CREBBP: variants seen among roughly 807,000 people sequenced by gnomAD.
CREBBP encodes the protein CREB binding lysine acetyltransferase, also known as CREB-binding protein.
In CREBBP, 19 loss-of-function variants were observed where a neutral mutation model predicts 265.0. That is an observed-to-expected ratio of 0.07 (90% CI 0.05 to 0.11). CREBBP has a LOEUF of 0.11. CREBBP is among the 10% of genes least tolerant of loss of function. The probability of loss-of-function intolerance (pLI) is 1.00; values close to 1 mark genes in which losing one functional copy is unlikely to be tolerated. For missense variants in CREBBP, 2,525 were observed against 3,219.0 expected (o/e 0.78, Z 5.22); for synonymous variants, 1,457 against 1,223.7 (o/e 1.19, Z -3.98).
chr16:3,745,147 G>C (rs2151354850), intron 22 of CREBBP, 130 bp downstream of exon 22: 1 of 1,001,466 alleles, frequency 1.0e-6, no homozygotes, highest in East Asian at 2.6e-5. Flanking sequence ...CTTAAATTTA[G>C]AACCAACTGC....
chr16:3,749,607 A>C lies in CREBBP; in HGVS notation c.3836+20T>G. The C allele has an allele frequency of 3.2e-6, 5 of 1,570,588 alleles. No individual in the cohort carries two copies. Among genetic ancestry groups the C allele is most frequent in the Non-Finnish European group, 4.4e-6 (5 of 1,141,836 alleles). ...TTCAAACCAAAACTGAAAGTAAAAA[A>C]GAAATAGCTATATACTTACGGTTCG... is the stretch of plus-strand genomic sequence containing the variant. On this transcript the variant is annotated intron_variant, in intron 21 of 30. Transcript: ENST00000262367.
chr16:3,818,551 T>C (rs2054083566), intron 2 of CREBBP, among the ~76,000 whole-genome samples: 1 of 152,120 alleles, frequency 6.6e-6, no homozygotes, highest in Non-Finnish European at 1.5e-5. Flanking sequence ...CTCAAACTCC[T>C]AACCTCAAGT....
intron 9 of CREBBP, 136 bp from the exon 10 acceptor site, chr16:3,778,318 C>G: frequency 5.7e-6 from 4 of 706,022 alleles, no homozygotes; most frequent in South Asian, 5.1e-5. Context: ...CCTGATACAC[C>G]AGAAGCCCAC....
At chr16:3,801,679 CAGA>C (rs1181314314) in intron 3 of CREBBP, among the ~76,000 whole-genome samples, 3 of 151,940 alleles carry the variant, frequency 2.0e-5, no homozygotes, top group East Asian at 1.9e-4. Context: ...TAAAAAAAAA[CAGA>C]AGAACGGGGT....
At chr16:3,875,335 T>C (rs2055377918) in intron 1 of CREBBP, among the ~76,000 whole-genome samples, 1 of 152,192 alleles carries the variant, frequency 6.6e-6, no homozygotes, top group African/African-American at 2.4e-5. Flanking sequence ...AGCACGGTCA[T>C]GAAATGTCCT....
chr16:3,757,720 G>A lies in CREBBP; in HGVS notation c.3609+89C>T. 9.0e-6 allele frequency: 14 copies of A among 1,558,760 alleles called. No homozygotes were observed. In the Admixed American group the frequency reaches 1.9e-4, roughly 21 times the overall value. On this transcript the variant is annotated intron_variant, in intron 18 of 30. Transcript: ENST00000262367. ...AGCAGATTGCACATATGCACTCCCA[G>A]TATACAGGCGTGGTCTCATATTAGT...
At chr16:3,733,977 T>C (rs2051985895) in intron 28 of CREBBP, among the ~76,000 whole-genome samples, 1 of 152,178 alleles carries the variant, frequency 6.6e-6, no homozygotes, top group South Asian at 2.1e-4. Context: ...AAAATAAATA[T>C]GTTCATGAAA....
At chr16:3,796,868 C>T (rs1272236538) in intron 3 of CREBBP, among the ~76,000 whole-genome samples, 3 of 152,186 alleles carry the variant, frequency 2.0e-5, no homozygotes, top group Admixed American at 6.5e-5. Flanking sequence ...AAAAGCCATT[C>T]TGAGGGTGAA....
At chr16:3,826,879 G>C (rs1200410674) in intron 2 of CREBBP, among the ~76,000 whole-genome samples, 1 of 152,296 alleles carries the variant, frequency 6.6e-6, no homozygotes, top group African/African-American at 2.4e-5. Flanking sequence ...CATTACTTAT[G>C]ACAAACACAA....
At chr16:3,765,840 C>T (rs766104921) in intron 16 of CREBBP, among the ~76,000 whole-genome samples, 7 of 151,966 alleles carry the variant, frequency 4.6e-5, no homozygotes, top group Non-Finnish European at 8.8e-5. Context: ...GATTAGGTTT[C>T]GCCATGTTGC....
intron 2 of CREBBP, among the ~76,000 whole-genome samples, chr16:3,843,337 CTAAA>C (rs1366517167): frequency 2.0e-5 from 3 of 151,172 alleles, no homozygotes; most frequent in Non-Finnish European, 2.9e-5. Context: ...TTAGACTTTA[CTAAA>C]TAAAAACGAT....
chr16:3,796,909 C>T (rs2053619133), intron 3 of CREBBP, among the ~76,000 whole-genome samples: 1 of 152,116 alleles, frequency 6.6e-6, no homozygotes, highest in Non-Finnish European at 1.5e-5. Context: ...GTCTTATGTC[C>T]CTGTCTCTGT....
In CREBBP at chr16:3,849,432, T is replaced by TGTGTGTGTGTGTGTG. The variant is rs2054754501; in HGVS notation, c.798+850_798+864dup. Reference sequence around the variant, plus strand: ...GTGTGTGTGTGTGTGTGTGTGTGTGTGTGTGTGTGTGTGTGTGTGTGTGTG... The same window carrying TGTGTGTGTGTGTGTG: ...GTGTGTGTGTGTGTGTGTGTGTGTGTGTGTGTGTGTGTGTGGTGTGTGTGTGTGTGTGTGTGTGTG... On this transcript the variant is annotated intron_variant, in intron 2 of 30. Coordinates refer to ENST00000262367, the MANE Select transcript of CREBBP (RefSeq NM_004380.3). Among the ~76,000 whole-genome samples the TGTGTGTGTGTGTGTG allele has an allele frequency of 1.2e-3, 11 of 9,086 alleles. 1 individual carries two copies. The highest frequency in any genetic ancestry group is 5.4e-3 in the Non-Finnish European group (5 of 924). The allele number at this position is 9,086 out of a possible 152,430, so 6.0% of individuals were successfully genotyped here.
intron 7 of CREBBP, 85 bp downstream of exon 7, chr16:3,781,119 C>T: frequency 1.5e-6 from 2 of 1,327,796 alleles, no homozygotes; most frequent in East Asian, 2.3e-5. Context: ...TTTTCTCTGC[C>T]ACACATTTAG....
At chr16:3,767,579 G>T (rs367822576) in intron 16 of CREBBP, 141 bp downstream of exon 16, 3 of 1,140,110 alleles carry the variant, frequency 2.6e-6, no homozygotes, top group African/African-American at 1.5e-5. Context: ...TTCTGCAGGG[G>T]AAAGTCTGGG....
At chr16:3,745,618 T>A in intron 21 of CREBBP, 1 of 514,408 alleles carries the variant, frequency 1.9e-6, no homozygotes. Flanking sequence ...AAAGGAAACT[T>A]TACTTTTTAA....
intron 5 of CREBBP, among the ~76,000 whole-genome samples, chr16:3,788,615 C>T (rs1363664315): frequency 6.6e-6 from 1 of 152,132 alleles, no homozygotes; most frequent in South Asian, 2.1e-4. Context: ...ATGGTTAACT[C>T]GAGATCAGTG....
chr16:3,863,169 T>C (rs1282585832), intron 1 of CREBBP, among the ~76,000 whole-genome samples: 1 of 152,174 alleles, frequency 6.6e-6, no homozygotes, highest in Admixed American at 6.5e-5. Flanking sequence ...AAAGGTAAAA[T>C]CTACTTTTGC....
intron 15 of CREBBP, 21 bp from the exon 16 acceptor site, chr16:3,767,930 T>A (rs773410930): frequency 6.2e-7 from 1 of 1,611,722 alleles, no homozygotes. Context: ...ACATTACAGA[T>A]AACATATGAA....
Sources: allele counts gnomAD v4.1 joint callset (sites outside exome capture counted in the v4.1 genomes callset), GRCh38; gene constraint gnomAD v4.1.1; transcripts MANE v1.5; gene names NCBI Gene and HGNC (gene_info 2026-07-23, HGNC 2026-07-21).